Variants in NUP133 observed in about 807,000 individuals in gnomAD.
NUP133 encodes the protein nuclear pore complex protein Nup133.
Under a neutral mutation model 146.2 loss-of-function variants are expected in NUP133, and 66 were observed. The observed-to-expected ratio is 0.45, with a 90% CI of 0.37 to 0.55. The LOEUF (loss-of-function observed/expected upper bound fraction) is 0.55, where lower values mean the gene tolerates loss of function less well. Ranked by LOEUF, NUP133 falls within the 20% of genes least tolerant of loss-of-function variation. The pLI, the probability that NUP133 is intolerant of heterozygous loss-of-function variation, is 0.00. For synonymous variants in NUP133, 521 were observed against 498.8 expected (o/e 1.04, Z -0.59); for missense variants, 1,277 against 1,374.8 (o/e 0.93, Z 1.12).
chr1:229,507,858 T>C (rs2102791300), intron 1 of NUP133: 2 of 954,218 alleles, frequency 2.1e-6, no homozygotes, highest in Non-Finnish European at 2.5e-6. Flanking sequence ...AAGGTATCCA[T>C]GAAAAATGCA....
intron 14 of NUP133, among the ~76,000 whole-genome samples, chr1:229,473,341 G>A (rs529287415): frequency 1.3e-5 from 2 of 152,228 alleles, no homozygotes; most frequent in East Asian, 3.9e-4. Context: ...AGTTAAATGA[G>A]CTCTAAATAT....
intron 5 of NUP133, 128 bp from the exon 6 acceptor site, chr1:229,498,434 G>T: frequency 1.7e-6 from 1 of 588,646 alleles, no homozygotes; most frequent in Non-Finnish European, 2.8e-6. Flanking sequence ...ATAGAACGTT[G>T]TTATTTTATT....
At chr1:229,491,144 C>T (rs12140727) in intron 8 of NUP133, among the ~76,000 whole-genome samples, 1 of 151,850 alleles carries the variant, frequency 6.6e-6, no homozygotes, top group African/African-American at 2.4e-5. Flanking sequence ...AAGTTTTGTT[C>T]GAAGGCAACC....
chr1:229,495,429 T>C (rs1431305219), intron 8 of NUP133, 66 bp downstream of exon 8: 1 of 1,096,952 alleles, frequency 9.1e-7, no homozygotes, highest in Non-Finnish European at 1.4e-6. Context: ...CATCATTTTA[T>C]TATAAACATC....
chr1:229,456,214 T>C (rs1482897306), intron 21 of NUP133, among the ~76,000 whole-genome samples: 5 of 152,186 alleles, frequency 3.3e-5, no homozygotes, highest in Non-Finnish European at 7.3e-5. Context: ...ACAGGGTCTA[T>C]TAGATTTGTC....
intron 15 of NUP133, 111 bp downstream of exon 15, chr1:229,470,469 T>A: frequency 1.1e-6 from 1 of 877,634 alleles, no homozygotes; most frequent in East Asian, 2.5e-5. Flanking sequence ...CAATTTAAAA[T>A]TTCAGTGAGA....
intron 14 of NUP133, among the ~76,000 whole-genome samples, chr1:229,471,907 G>A (rs1660965274): frequency 6.6e-6 from 1 of 151,938 alleles, no homozygotes. Flanking sequence ...TATTTTTAAT[G>A]ACTGGTTAAT....
At chr1:229,492,440 A>C (rs1661548757) in intron 8 of NUP133, among the ~76,000 whole-genome samples, 1 of 152,130 alleles carries the variant, frequency 6.6e-6, no homozygotes, top group African/African-American at 2.4e-5. Flanking sequence ...AGTCTCAAAA[A>C]GATTAAAAGG....
At chr1:229,459,834 T>C (rs967246017) in intron 20 of NUP133, among the ~76,000 whole-genome samples, 10 of 152,340 alleles carry the variant, frequency 6.6e-5, no homozygotes, top group African/African-American at 2.2e-4. Flanking sequence ...GGAGTGCAGG[T>C]ACCTTTTCAA....
intron 8 of NUP133, 128 bp from the exon 9 acceptor site, chr1:229,490,230 T>A: frequency 1.3e-6 from 1 of 773,986 alleles, no homozygotes; most frequent in Non-Finnish European, 1.9e-6. Flanking sequence ...AGAGAAAATT[T>A]AAAAACAGAA....
At position 229,508,159 on chromosome 1, in the gene NUP133, T is replaced by C. The variant is rs1661995063; in HGVS notation, c.91A>G (p.Thr31Ala). The change falls in exon 1 of 26, where the codon ACG becomes GCG. Residue 31 changes from threonine (T) to alanine (A), a missense_variant. Around this residue, in one of 3 missense-constraint regions of NUP133, gnomAD observed 319 missense variants for 306.9 expected, o/e 1.04. Transcript: ENST00000261396. ...AGGGGCAGACCCTTCCTGCTAGCCGTCCGGGGCGTGGAGCCGGGCCCGAGT... is the reference window on the plus strand; with the variant it reads ...AGGGGCAGACCCTTCCTGCTAGCCGCCCGGGGCGTGGAGCCGGGCCCGAGT... ...AGLGPGSTPR[T>A]ASRKGLPLGS... 2 of 1,594,158 alleles carry C rather than the reference T, an allele frequency of 1.3e-6. No individual in the cohort carries two copies. Among genetic ancestry groups the C allele is most frequent in the Admixed American group, 1.7e-5 (1 of 57,662 alleles).
intron 2 of NUP133, among the ~76,000 whole-genome samples, chr1:229,503,951 G>C (rs1045944057): frequency 1.3e-5 from 2 of 151,318 alleles, no homozygotes; most frequent in Admixed American, 1.3e-4. Context: ...GAAATTTTTA[G>C]AGGGGAAAAA....
At chr1:229,458,373 C>T in intron 20 of NUP133, 77 bp from the exon 21 acceptor site, 2 of 1,482,810 alleles carry the variant, frequency 1.3e-6, no homozygotes, top group Non-Finnish European at 1.8e-6. Flanking sequence ...AAACCCCAAA[C>T]TTGTTTTTCT....
chr1:229,460,491 G>T, intron 20 of NUP133, 120 bp downstream of exon 20: 1 of 955,944 alleles, frequency 1.0e-6, no homozygotes, highest in Non-Finnish European at 1.5e-6. Context: ...TATATATTTT[G>T]GATAGTAACC....
At position 229,499,755 on chromosome 1, in the gene NUP133, C is replaced by T; in HGVS notation, c.577G>A (p.Glu193Lys). The stretch of plus-strand genomic sequence containing the variant: ...ACAAAAGCCTCTGTGTAGGTATCTT[C>T]ACCAGCAAGGCTTGGCCAATAGCGG... ...SIRYWPSLAGEDTYTEAFVDS... is the reference protein window; with the variant it reads ...SIRYWPSLAGKDTYTEAFVDS... Residue 193 changes from glutamate (E) to lysine (K), a missense_variant, in exon 5 of 26, where the codon GAA (glutamate) becomes AAA (lysine). Around this residue, in one of 3 missense-constraint regions of NUP133, gnomAD observed 319 missense variants for 306.9 expected, o/e 1.04. Coordinates refer to ENST00000261396, the MANE Select transcript of NUP133 (RefSeq NM_018230.3). 2 of 1,614,148 alleles carry T rather than the reference C, an allele frequency of 1.2e-6. No homozygotes were observed. Among genetic ancestry groups the T allele is most frequent in the Non-Finnish European group, 8.5e-7 (1 of 1,180,006 alleles).
intron 14 of NUP133, among the ~76,000 whole-genome samples, chr1:229,473,921 T>A (rs1047091355): frequency 1.3e-5 from 2 of 152,174 alleles, no homozygotes; most frequent in African/African-American, 2.4e-5. Context: ...TGAAACCCTG[T>A]CACACACATA....
chr1:229,452,086 G>A (rs184895011), intron 22 of NUP133, among the ~76,000 whole-genome samples: 4 of 152,306 alleles, frequency 2.6e-5, no homozygotes, highest in Admixed American at 6.5e-5. Context: ...ACTGCAGTCC[G>A]TATTCTGGCT....
At chr1:229,479,329 A>G (rs1263206440) in intron 12 of NUP133, among the ~76,000 whole-genome samples, 2 of 152,336 alleles carry the variant, frequency 1.3e-5, no homozygotes, top group East Asian at 1.9e-4. Context: ...CAGCCTGCAT[A>G]TTATGTAGAC....
intron 19 of NUP133, among the ~76,000 whole-genome samples, chr1:229,461,901 T>TTTA (rs1660700277): frequency 6.6e-6 from 1 of 151,972 alleles, no homozygotes; most frequent in African/African-American, 2.4e-5. Flanking sequence ...TTTTTTTTTT[T>TTTA]GAGACGGATT....
Sources: gnomAD v4.1 joint callset for allele counts (sites outside exome capture counted in the v4.1 genomes callset) on GRCh38, gnomAD v4.1.1 for gene constraint, gnomAD v4.1.1 regional missense constraint, MANE v1.5 for transcripts, NCBI Gene and HGNC (gene_info 2026-07-23, HGNC 2026-07-21) for gene names.